ZHX3: variants seen among roughly 807,000 people sequenced by gnomAD.
The protein encoded by ZHX3 is zinc fingers and homeoboxes 3.
ZHX3 carries 20 observed loss-of-function variants against 64.5 expected under a neutral mutation model. The observed-to-expected ratio is 0.31, with a 90% CI of 0.22 to 0.45. The LOEUF is 0.45. Ranked by LOEUF, ZHX3 falls within the 20% of genes least tolerant of loss-of-function variation. The probability of loss-of-function intolerance (pLI) is 1.00; values close to 1 mark genes in which losing one functional copy is unlikely to be tolerated. For missense variants in ZHX3, 1,041 were observed against 1,195.8 expected (o/e 0.87, Z 1.91); for synonymous variants, 423 against 461.6 (o/e 0.92, Z 1.07).
At chr20:41,298,558 CAT>C (rs1239128542) in intron 1 of ZHX3, among the ~76,000 whole-genome samples, 1 of 152,168 alleles carries the variant, frequency 6.6e-6, no homozygotes, top group Non-Finnish European at 1.5e-5. Context: ...TGTAACAAAA[CAT>C]AGCAGTAAAA....
intron 2 of ZHX3, among the ~76,000 whole-genome samples, chr20:41,206,558 T>C (rs1041382528): frequency 2.6e-5 from 4 of 152,098 alleles, no homozygotes; most frequent in African/African-American, 4.8e-5. Context: ...GTATCAGTGA[T>C]TGAAGATCAA....
intron 2 of ZHX3, among the ~76,000 whole-genome samples, chr20:41,221,852 A>G (rs893862037): frequency 6.6e-6 from 1 of 152,234 alleles, no homozygotes; most frequent in African/African-American, 2.4e-5. Flanking sequence ...ATGTTCAAAG[A>G]ACAGCAAGGA....
rs1427173778 is a variant in ZHX3, at chr20:41,179,384, A to G, written c.*5807T>C. 1.3e-5 allele frequency: 2 copies of G among 152,012 alleles called. No homozygotes were observed. Among genetic ancestry groups the G allele is most frequent in the African/African-American group, 4.8e-5 (2 of 41,364 alleles). 9.4% of individuals were successfully genotyped at this position (152,012 alleles called of 1,614,324 possible). A position where few individuals can be genotyped will look rare whatever the true frequency, so the allele number is the denominator to read the frequency against. ...CTGGCGCTCCTCACTCCTGCTGACA[A>G]TCTCATGTGGGGCTCTGGCCCTGTT... On this transcript the variant is annotated 3_prime_UTR_variant, in exon 4 of 4. Transcript: ENST00000683867. This position sits in a 1 kb window ranked among gnomAD's most constrained non-coding sequence, Gnocchi z 4.3.
intron 2 of ZHX3, among the ~76,000 whole-genome samples, chr20:41,234,598 T>G (rs1237757092): frequency 6.6e-6 from 1 of 152,238 alleles, no homozygotes; most frequent in Non-Finnish European, 1.5e-5. Flanking sequence ...ACTGGCTTCT[T>G]GAGCACTCAG....
Position 41,202,007 on chromosome 20 carries a change from C to T in ZHX3, c.2860+50G>A, listed in dbSNP as rs201961791. Reference sequence around the variant, plus strand: ...AAATTCAGTGCCCAACCATAAGTGCCTCCTCCCCTTACCCACACAGGATAG... The same window carrying T: ...AAATTCAGTGCCCAACCATAAGTGCTTCCTCCCCTTACCCACACAGGATAG... On this transcript the variant is annotated intron_variant, in intron 3 of 3. Coordinates refer to ENST00000683867, the MANE Select transcript of ZHX3 (RefSeq NM_001384317.1). The surrounding 1 kb of genome is among the most constrained non-coding windows in gnomAD (Gnocchi z 7.0). 3 of 1,517,890 alleles carry T rather than the reference C, an allele frequency of 2.0e-6. No homozygotes were observed. In the African/African-American group the frequency reaches 4.2e-5, roughly 21 times the overall value. 94.0% of individuals were successfully genotyped at this position (1,517,890 alleles called of 1,614,324 possible). A position where few individuals can be genotyped will look rare whatever the true frequency, so the allele number is the denominator to read the frequency against.
At chr20:41,190,535 T>G (rs1029529807) in intron 3 of ZHX3, among the ~76,000 whole-genome samples, 4 of 152,194 alleles carry the variant, frequency 2.6e-5, no homozygotes, top group African/African-American at 4.8e-5. Context: ...TTTTATATAT[T>G]TTTTTCCTTT....
In ZHX3 at chr20:41,203,724, C is replaced by G. The variant is rs2038457429; in HGVS notation, c.1193G>C (p.Ser398Thr). The G allele has an allele frequency of 1.2e-6, 2 of 1,614,106 alleles. No homozygotes were observed. The highest frequency in any genetic ancestry group is 1.3e-5 in the African/African-American group (1 of 74,940). Residue 398 changes from serine to threonine, a missense_variant, in exon 3 of 4, where the codon AGT becomes ACT. Ser to Thr is a moderately conservative substitution (Grantham distance 58). This residue lies in a region of ZHX3 where 649 missense variants were observed against 739.8 expected (regional missense o/e 0.88). Coordinates refer to ENST00000683867, the MANE Select transcript of ZHX3 (RefSeq NM_001384317.1). The surrounding 1 kb of genome is among the most constrained non-coding windows in gnomAD (Gnocchi z 7.1). ...ITVLNTPLVA[S>T]AGNVQHLIQA... is the part of the protein sequence containing the mutation. ...GATGAGATGCTGGACATTGCCAGCA[C>G]TGGCGACGAGTGGGGTATTTAGAAC...
At chr20:41,262,240 A>G (rs1045575081) in intron 2 of ZHX3, among the ~76,000 whole-genome samples, 1 of 152,216 alleles carries the variant, frequency 6.6e-6, no homozygotes, top group Admixed American at 6.5e-5. Flanking sequence ...AGCAAGAATT[A>G]TCTTCCTAAA....
rs768718484 is a variant in ZHX3, at chr20:41,181,005, A to G, written c.*4186T>C. ...CCACAACTGCCCATTTGCTCAGACA[A>G]TGGAGCTTTTCTGAGATCAAGTGCT... On this transcript the variant is annotated 3_prime_UTR_variant, in exon 4 of 4. Transcript: ENST00000683867. The G allele has an allele frequency of 1.3e-5, 2 of 152,276 alleles. No homozygotes were observed. The highest frequency in any genetic ancestry group is 2.4e-5 in the African/African-American group (1 of 41,460). The allele number at this position is 152,276 out of a possible 1,614,324, so 9.4% of individuals were successfully genotyped here.
At chr20:41,291,468 A>G (rs1352310927) in intron 1 of ZHX3, among the ~76,000 whole-genome samples, 1 of 152,222 alleles carries the variant, frequency 6.6e-6, no homozygotes, top group Admixed American at 6.5e-5. Flanking sequence ...ACGAAGACGC[A>G]GTAATTATGA....
At position 41,204,422 on chromosome 20, in the gene ZHX3, C is replaced by T. The variant is rs1415964167; in HGVS notation, c.495G>A (p.Ala165=). 11 of 1,614,058 alleles carry T rather than the reference C, an allele frequency of 6.8e-6. No homozygotes were observed. The highest frequency in any genetic ancestry group is 2.7e-5 in the African/African-American group (2 of 74,914). The change falls in exon 3 of 4, where the codon GCG becomes GCA. Residue 165 remains alanine (A), a synonymous_variant. Transcript: ENST00000683867. The surrounding 1 kb of genome is among the most constrained non-coding windows in gnomAD (Gnocchi z 6.6). ...IPESTSTPDL[A]GEPSAEGADG... is the part of the protein sequence containing the mutation. ...CAGCCCCTTCAGCACTGGGCTCACC[C>T]GCTAGGTCAGGAGTGCTGGTGCTCT...
chr20:41,203,108 T>C lies in ZHX3; in HGVS notation c.1809A>G (p.Gln603=), dbSNP rs895167844. ...TGAAGTCAGGAGTCTGGTGCCAAGA[T>C]TGTCGTTTGGCAGAAGGGTGGGTTG... ...TLATHPSAKR[Q]SWHQTPDFTP... is the part of the protein sequence containing the mutation. The change falls in exon 3 of 4, where the codon CAA becomes CAG. Residue 603 remains glutamine (Q), a synonymous_variant. Coordinates refer to ENST00000683867, the MANE Select transcript of ZHX3 (RefSeq NM_001384317.1). This position sits in a 1 kb window ranked among gnomAD's most constrained non-coding sequence, Gnocchi z 7.1. 11 of 1,613,864 alleles carry C rather than the reference T, an allele frequency of 6.8e-6. No individual in the cohort carries two copies. The highest frequency in any genetic ancestry group is 4.4e-5 in the South Asian group (4 of 91,064).
At chr20:41,191,997 G>T (rs994403016) in intron 3 of ZHX3, among the ~76,000 whole-genome samples, 11 of 152,216 alleles carry the variant, frequency 7.2e-5, no homozygotes, top group African/African-American at 2.2e-4. Context: ...TTACTCAGAT[G>T]TCAGTAGTGG....
chr20:41,274,548 G>C (rs1445377863), intron 1 of ZHX3, among the ~76,000 whole-genome samples: 1 of 152,130 alleles, frequency 6.6e-6, no homozygotes, highest in Non-Finnish European at 1.5e-5. Flanking sequence ...ATATTATAAA[G>C]GTAACTTGAG....
intron 2 of ZHX3, 48 bp from the exon 3 acceptor site, chr20:41,205,114 G>A (rs1393871606): frequency 1.6e-5 from 15 of 932,552 alleles, no homozygotes; most frequent in Non-Finnish European, 2.2e-5. Flanking sequence ...AGTGCTTTCT[G>A]TATATTTCTC....
Position 41,187,604 on chromosome 20 carries a change from T to C in ZHX3, c.2861-2403A>G, listed in dbSNP as rs191022280. ...GACCATTACGTGGGGATTTCTGGGC[T>C]TTTTATTTTATTCCATTGGTTTTGT... On this transcript the variant is annotated intron_variant, in intron 3 of 3. Coordinates refer to ENST00000683867, the MANE Select transcript of ZHX3 (RefSeq NM_001384317.1). Among the ~76,000 whole-genome samples the C allele has an allele frequency of 3.8e-3, 576 of 152,302 alleles. 11 individuals are homozygous for C. Among genetic ancestry groups the C allele is most frequent in the Admixed American group, 0.028 (435 of 15,298 alleles).
chr20:41,213,074 C>T (rs1469484349), intron 2 of ZHX3, among the ~76,000 whole-genome samples: 1 of 152,146 alleles, frequency 6.6e-6, no homozygotes, highest in Non-Finnish European at 1.5e-5. Context: ...ATGGATGATC[C>T]TGATGCTAAG....
intron 1 of ZHX3, among the ~76,000 whole-genome samples, chr20:41,292,981 G>A (rs943818888): frequency 2.0e-5 from 3 of 152,236 alleles, no homozygotes; most frequent in Non-Finnish European, 4.4e-5. Context: ...AAGCTGGCAA[G>A]ACAGCCCTGC....
rs769704743 is a variant in ZHX3, at chr20:41,203,672, C to T, written c.1245G>A (p.Val415=). ...CCCCTCCTGTACCCTCTGGCTGCCC[C>T]ACAACGTGACCTGGAAGAGCGGCCT... is the stretch of plus-strand genomic sequence containing the variant. ...LIQAALPGHV[V]GQPEGTGGGL... is the part of the protein sequence containing the mutation. The change falls in exon 3 of 4, where the codon GTG becomes GTA. Residue 415 remains valine (V), a synonymous_variant. Transcript: ENST00000683867. The surrounding 1 kb of genome is among the most constrained non-coding windows in gnomAD (Gnocchi z 7.1). 3.7e-5 allele frequency: 59 copies of T among 1,614,026 alleles called. No individual in the cohort carries two copies. In the South Asian group the frequency reaches 5.3e-4, roughly 14 times the overall value.
Sources: gnomAD v4.1 joint callset for allele counts (sites outside exome capture counted in the v4.1 genomes callset) on GRCh38, gnomAD v4.1.1 for gene constraint, gnomAD v4.1.1 regional missense constraint, Gnocchi (gnomAD v3.1) non-coding constraint, MANE v1.5 for transcripts, NCBI Gene and HGNC (gene_info 2026-07-23, HGNC 2026-07-21) for gene names.